The following BLTP1 variants were observed in gnomAD, a reference collection of about 807,000 sequenced individuals.
The protein encoded by BLTP1 is fragile site-associated protein.
chr4:122,283,573 A>G, the BLTP1 span, among the ~76,000 whole-genome samples: 4 of 152,110 alleles, frequency 2.6e-5, no homozygotes, highest in African/African-American at 4.8e-5. Flanking sequence ...GGGCAGTGGC[A>G]TGATCACAGC....
chr4:122,216,583 G>T, the BLTP1 span, among the ~76,000 whole-genome samples: 4 of 152,192 alleles, frequency 2.6e-5, 1 homozygote, highest in South Asian at 8.3e-4. Flanking sequence ...GTCTATTCAT[G>T]TACTTTGCCC....
the BLTP1 span, chr4:122,238,025 T>C: frequency 1.3e-6 from 2 of 1,512,992 alleles, no homozygotes; most frequent in Non-Finnish European, 1.8e-6. Context: ...TGGATTAGAT[T>C]GCCATGTTTT....
At chr4:122,219,665 G>T in the BLTP1 span, 3 of 795,332 alleles carry the variant, frequency 3.8e-6, no homozygotes, top group African/African-American at 1.8e-5. Flanking sequence ...AAGAAAATCA[G>T]ATTTAGAAAC....
At chr4:122,287,010 ATATGTATTAGTTATG>A in the BLTP1 span, among the ~76,000 whole-genome samples, 2 of 152,178 alleles carry the variant, frequency 1.3e-5, no homozygotes, top group Non-Finnish European at 2.9e-5. Context: ...GCTTTTAAAA[ATATGTATTAGTTATG>A]TATTCCATCT....
At chr4:122,274,416 A>C in the BLTP1 span, 2 of 1,605,764 alleles carry the variant, frequency 1.2e-6, no homozygotes, top group African/African-American at 2.7e-5. Context: ...TGCTGCTTGA[A>C]GGGATTACAC....
At chr4:122,318,497 G>A in the BLTP1 span, among the ~76,000 whole-genome samples, 6 of 152,192 alleles carry the variant, frequency 3.9e-5, no homozygotes, top group Non-Finnish European at 7.3e-5. Context: ...TAATCCTGGG[G>A]AAGACAATAG....
At chr4:122,170,406 A>G in the BLTP1 span, 1 of 981,318 alleles carries the variant, frequency 1.0e-6, no homozygotes, top group East Asian at 1.1e-4. Context: ...AGAATGGTGA[A>G]ATCAGGACAT....
At chr4:122,196,506 C>T in the BLTP1 span, 22 of 691,172 alleles carry the variant, frequency 3.2e-5, no homozygotes, top group Non-Finnish European at 4.7e-5. Flanking sequence ...TTAAATACTA[C>T]AGAAAACAGT....
the BLTP1 span, chr4:122,208,123 C>G: frequency 5.1e-6 from 5 of 981,572 alleles, no homozygotes; most frequent in South Asian, 1.9e-4. Context: ...AGTGGTTATA[C>G]TGGTAAAATT....
At chr4:122,346,071 T>C in the BLTP1 span, 1 of 952,434 alleles carries the variant, frequency 1.0e-6, no homozygotes, top group Non-Finnish European at 1.3e-6. Context: ...AAAACAGAAA[T>C]TTTAGCTGTG....
chr4:122,328,081 A>G, the BLTP1 span: 4,379 of 1,493,814 alleles, frequency 2.9e-3, 115 homozygotes, highest in African/African-American at 0.055. Context: ...AATCTGATTC[A>G]TGTTTTTTCT....
chr4:122,300,748 C>G, the BLTP1 span: 1 of 240,282 alleles, frequency 4.2e-6, no homozygotes, highest in Non-Finnish European at 6.7e-6. Flanking sequence ...TACAGACTCC[C>G]TGGGATGATG....
chr4:122,311,830 T>TA, the BLTP1 span, among the ~76,000 whole-genome samples: 7 of 152,240 alleles, frequency 4.6e-5, no homozygotes, highest in East Asian at 1.2e-3. Flanking sequence ...GCAGAAAAAT[T>TA]ACCATCCTGC....
the BLTP1 span, among the ~76,000 whole-genome samples, chr4:122,280,451 G>C: frequency 6.6e-6 from 1 of 152,078 alleles, no homozygotes; most frequent in Non-Finnish European, 1.5e-5. Flanking sequence ...CCCTATGTCT[G>C]TAGCCTTTGT....
the BLTP1 span, chr4:122,221,786 A>G: frequency 2.0e-6 from 2 of 984,008 alleles, no homozygotes; most frequent in Non-Finnish European, 2.4e-6. Context: ...TTTTCAGTCT[A>G]TTAAGGAAAT....
At chr4:122,231,946 A>T in the BLTP1 span, 2 of 749,502 alleles carry the variant, frequency 2.7e-6, no homozygotes, top group Admixed American at 6.3e-5. Flanking sequence ...AAGCTCATGT[A>T]TGAAGAATAT....
chr4:122,187,405 A>G, the BLTP1 span: 1 of 1,609,274 alleles, frequency 6.2e-7, no homozygotes, highest in African/African-American at 1.3e-5. Context: ...TTTCTTATTC[A>G]TGTCAGTTTT....
the BLTP1 span, among the ~76,000 whole-genome samples, chr4:122,180,352 A>T: frequency 6.6e-6 from 1 of 152,174 alleles, no homozygotes. Context: ...CATGTAAATT[A>T]TATATTTGTT....
At chr4:122,316,096 G>A in the BLTP1 span, among the ~76,000 whole-genome samples, 7 of 152,050 alleles carry the variant, frequency 4.6e-5, no homozygotes, top group Non-Finnish European at 8.8e-5. Flanking sequence ...CAATAAAGAT[G>A]TTCAAGATGA....
Sources: gnomAD v4.1 joint callset for allele counts (sites outside exome capture counted in the v4.1 genomes callset) on GRCh38, gnomAD v4.1.1 for gene constraint, MANE v1.5 for transcripts, NCBI Gene and HGNC (gene_info 2026-07-23, HGNC 2026-07-21) for gene names.